The following ERICH6B variants were observed in gnomAD, a reference collection of about 807,000 sequenced individuals.
The protein encoded by ERICH6B is glutamate rich 6B.
A neutral mutation model predicts 80.0 loss-of-function variants in ERICH6B; 69 were observed. The observed-to-expected ratio is 0.86, with a 90% CI of 0.71 to 1.05. The LOEUF (loss-of-function observed/expected upper bound fraction) is 1.05. Among genes scored for constraint, ERICH6B ranks in the 50% least tolerant of loss-of-function variants. The pLI is 0.00. For synonymous variants in ERICH6B, 283 were observed against 291.9 expected (o/e 0.97, Z 0.31); for missense variants, 754 against 796.1 (o/e 0.95, Z 0.64).
Position 45,596,615 on chromosome 13 carries a change from C to T in ERICH6B, c.391G>A (p.Glu131Lys), listed in dbSNP as rs1356421662. Residue 131 changes from glutamate (E) to lysine (K), a missense_variant, in exon 3 of 15, where the codon GAA (glutamate) becomes AAA (lysine). By Grantham distance (56) the Glu-to-Lys change is moderately conservative. Transcript: ENST00000298738. ...YLEEEEYLGK[E>K]EHLEEEEYLG... ...TACTCTTCCTCCTCCAGATGCTCTT[C>T]CTTCCCCAGGTACTCTTCCTCCTCC... is the stretch of plus-strand genomic sequence containing the variant. 2 of 1,546,206 alleles carry T rather than the reference C, an allele frequency of 1.3e-6. No individual in the cohort carries two copies. Among genetic ancestry groups the T allele is most frequent in the Middle Eastern group, 1.7e-4 (1 of 5,988 alleles).
At chr13:45,583,289 T>C (rs1452765116) in intron 5 of ERICH6B, among the ~76,000 whole-genome samples, 1 of 152,184 alleles carries the variant, frequency 6.6e-6, no homozygotes, top group Non-Finnish European at 1.5e-5. Flanking sequence ...TTGGCTCAAT[T>C]CTATTTTAAA....
At chr13:45,550,196 T>A (rs927155516) in intron 12 of ERICH6B, 35 bp downstream of exon 12, 1 of 1,544,164 alleles carries the variant, frequency 6.5e-7, no homozygotes, top group Admixed American at 2.0e-5. Flanking sequence ...TGCCAATATA[T>A]GTCAATACGA....
chr13:45,615,039 T>C (rs1236273443), intron 1 of ERICH6B, among the ~76,000 whole-genome samples: 1 of 152,232 alleles, frequency 6.6e-6, no homozygotes, highest in Non-Finnish European at 1.5e-5. Context: ...TTTTTATAAA[T>C]AGAATTTCGA....
At chr13:45,553,619 T>C (rs190498125) in intron 11 of ERICH6B, among the ~76,000 whole-genome samples, 12 of 152,250 alleles carry the variant, frequency 7.9e-5, no homozygotes, top group African/African-American at 2.6e-4. Flanking sequence ...TTACAAAATA[T>C]GCACTATCAT....
intron 1 of ERICH6B, among the ~76,000 whole-genome samples, chr13:45,612,569 G>T (rs531394986): frequency 6.1e-4 from 93 of 152,300 alleles, no homozygotes; most frequent in Non-Finnish European, 9.6e-4. Context: ...TTAAAAGCTA[G>T]CCAGAGGATG....
chr13:45,550,229 A>C lies in ERICH6B; in HGVS notation c.1493+2T>G. On this transcript the variant is annotated splice_donor_variant, in intron 12 of 14. Transcript: ENST00000298738. LOFTEE classifies it high-confidence loss of function. ...CGAGCATCCCTGTGCTTCTGTGGATACTGTATCTGGCCTGTCCCATCAGGA... is the reference window on the plus strand; with the variant it reads ...CGAGCATCCCTGTGCTTCTGTGGATCCTGTATCTGGCCTGTCCCATCAGGA... The C allele has an allele frequency of 6.4e-7, 1 of 1,550,772 alleles. No homozygotes were observed. The highest frequency in any genetic ancestry group is 8.7e-7 in the Non-Finnish European group (1 of 1,146,256).
intron 1 of ERICH6B, among the ~76,000 whole-genome samples, chr13:45,615,041 G>T (rs917772120): frequency 6.6e-6 from 1 of 152,210 alleles, no homozygotes; most frequent in Admixed American, 6.5e-5. Context: ...TTTATAAATA[G>T]AATTTCGAAT....
At chr13:45,566,129 G>A (rs1403129591) in intron 9 of ERICH6B, among the ~76,000 whole-genome samples, 1 of 152,182 alleles carries the variant, frequency 6.6e-6, no homozygotes, top group East Asian at 1.9e-4. Context: ...TTGAACTTGA[G>A]GGAGATGATT....
intron 7 of ERICH6B, among the ~76,000 whole-genome samples, chr13:45,578,953 G>A (rs1875539439): frequency 1.3e-5 from 2 of 152,206 alleles, no homozygotes; most frequent in African/African-American, 4.8e-5. Context: ...AGGAGGCTGA[G>A]GTGGAAGAAT....
chr13:45,606,501 A>AG (rs1949861142), intron 2 of ERICH6B, among the ~76,000 whole-genome samples: 2 of 47,314 alleles, frequency 4.2e-5, no homozygotes, highest in African/African-American at 2.4e-4. Flanking sequence ...CCAAAAGTGT[A>AG]TGTGTATATA....
intron 1 of ERICH6B, among the ~76,000 whole-genome samples, chr13:45,611,652 C>T (rs1245007345): frequency 1.3e-5 from 2 of 152,184 alleles, no homozygotes; most frequent in East Asian, 1.9e-4. Flanking sequence ...TAGGAATCAG[C>T]TTGACAAACA....
At chr13:45,606,522 T>TAA (rs1949862978) in intron 2 of ERICH6B, among the ~76,000 whole-genome samples, 14 of 32,156 alleles carry the variant, frequency 4.4e-4, no homozygotes, top group Non-Finnish European at 1.0e-4. Flanking sequence ...TATATATATA[T>TAA]ATATATATAT....
chr13:45,588,616 C>T (rs567532679), intron 4 of ERICH6B, among the ~76,000 whole-genome samples: 1 of 152,344 alleles, frequency 6.6e-6, no homozygotes, highest in South Asian at 2.1e-4. Context: ...TGCCAGTCCT[C>T]ATGAAAGGAC....
chr13:45,559,570 C>T (rs1874581808), intron 11 of ERICH6B, among the ~76,000 whole-genome samples: 1 of 151,978 alleles, frequency 6.6e-6, no homozygotes. Flanking sequence ...TTTGCTGTAT[C>T]CCAGAGGTTT....
chr13:45,602,812 C>T (rs999653601), intron 2 of ERICH6B, among the ~76,000 whole-genome samples: 15 of 152,324 alleles, frequency 9.8e-5, no homozygotes, highest in African/African-American at 3.6e-4. Context: ...TCCCACCCTG[C>T]TCTGAGCCAC....
intron 7 of ERICH6B, among the ~76,000 whole-genome samples, chr13:45,576,419 T>C (rs1304389829): frequency 6.6e-6 from 1 of 152,182 alleles, no homozygotes; most frequent in Non-Finnish European, 1.5e-5. Context: ...ACACTATGTG[T>C]TCCCGAACTG....
chr13:45,591,684 A>G (rs1036201014), intron 3 of ERICH6B, among the ~76,000 whole-genome samples: 2 of 152,230 alleles, frequency 1.3e-5, no homozygotes, highest in South Asian at 2.1e-4. Context: ...AAGTTACAAA[A>G]GTAAAGTACT....
At chr13:45,579,486 T>C (rs1179417369) in intron 7 of ERICH6B, among the ~76,000 whole-genome samples, 5 of 152,146 alleles carry the variant, frequency 3.3e-5, no homozygotes. Context: ...TTCCCCCTCG[T>C]AGGATTCAAC....
chr13:45,585,242 A>T (rs1875851194), intron 5 of ERICH6B, among the ~76,000 whole-genome samples: 1 of 152,048 alleles, frequency 6.6e-6, no homozygotes, highest in Non-Finnish European at 1.5e-5. Flanking sequence ...GGCTTCCCTG[A>T]CCCTAGAAGG....
Sources: allele counts gnomAD v4.1 joint callset (sites outside exome capture counted in the v4.1 genomes callset), GRCh38; gene constraint gnomAD v4.1.1; transcripts MANE v1.5; gene names NCBI Gene and HGNC (gene_info 2026-07-23, HGNC 2026-07-21).